MAST4: variants seen among roughly 807,000 people sequenced by gnomAD.
MAST4 encodes the protein microtubule-associated serine/threonine-protein kinase 4.
A neutral mutation model predicts 162.7 loss-of-function variants in MAST4; 89 were observed. That is an observed-to-expected ratio of 0.55 (90% confidence interval 0.46 to 0.65). The LOEUF is 0.65. MAST4 is among the 30% of genes least tolerant of loss of function. MAST4 has a pLI of 0.00. For missense variants in MAST4, 3,153 were observed against 3,374.0 expected (o/e 0.93, Z 1.62); for synonymous variants, 1,479 against 1,361.1 (o/e 1.09, Z -1.91).
chr5:66,852,962 A>G (rs1320429442), intron 3 of MAST4, among the ~76,000 whole-genome samples: 17 of 152,252 alleles, frequency 1.1e-4, no homozygotes. Flanking sequence ...ACTCTTCTCA[A>G]CAGTGTCATA....
chr5:66,923,335 G>A (rs191746559), intron 4 of MAST4, among the ~76,000 whole-genome samples: 320 of 152,258 alleles, frequency 2.1e-3, no homozygotes, highest in African/African-American at 6.5e-3. Context: ...AAGCATTGTC[G>A]TCTTGGGATA....
chr5:66,863,581 T>A (rs1223839079), intron 3 of MAST4, among the ~76,000 whole-genome samples: 1 of 152,144 alleles, frequency 6.6e-6, no homozygotes, highest in Admixed American at 6.5e-5. Flanking sequence ...TCATGCTTTC[T>A]TTTCTTCCCT....
At chr5:66,926,605 T>C (rs1374580366) in intron 4 of MAST4, among the ~76,000 whole-genome samples, 1 of 151,872 alleles carries the variant, frequency 6.6e-6, no homozygotes, top group East Asian at 1.9e-4. Context: ...TGTATATATG[T>C]ATGTATATGT....
intron 5 of MAST4, among the ~76,000 whole-genome samples, chr5:67,082,926 C>T (rs1332172350): frequency 6.6e-6 from 1 of 152,016 alleles, no homozygotes; most frequent in Non-Finnish European, 1.5e-5. Context: ...AAAAAGTCAC[C>T]AAAAAGGGAG....
intron 10 of MAST4, among the ~76,000 whole-genome samples, chr5:67,104,942 A>G (rs1264605456): frequency 2.0e-5 from 3 of 152,186 alleles, no homozygotes; most frequent in Non-Finnish European, 1.5e-5. Flanking sequence ...CTATATCTGA[A>G]AAAGCTAAAT....
intron 3 of MAST4, among the ~76,000 whole-genome samples, chr5:66,895,011 C>T (rs189738307): frequency 1.1e-3 from 165 of 152,242 alleles, no homozygotes; most frequent in African/African-American, 3.8e-3. Context: ...GGCTGAGCTC[C>T]CACTCAGTGT....
intron 4 of MAST4, among the ~76,000 whole-genome samples, chr5:66,936,800 G>T (rs544701954): frequency 6.6e-6 from 1 of 152,262 alleles, no homozygotes; most frequent in South Asian, 2.1e-4. Context: ...TACCCTTTAT[G>T]TGGGTATGTT....
intron 1 of MAST4, among the ~76,000 whole-genome samples, chr5:66,606,003 T>A (rs1742857733): frequency 6.6e-6 from 1 of 152,242 alleles, no homozygotes; most frequent in Non-Finnish European, 1.5e-5. Context: ...AATGACAATT[T>A]TGTAACCTGC....
In MAST4 at chr5:67,165,477, G is replaced by C. The variant is rs909820290; in HGVS notation, c.6298G>C (p.Glu2100Gln). Residue 2100 changes from glutamate (E) to glutamine (Q), a missense_variant, in exon 29 of 29, where the codon GAG becomes CAG. Physicochemically the swap from Glu to Gln is conservative, Grantham distance 29. Coordinates refer to ENST00000403625, the MANE Select transcript of MAST4 (RefSeq NM_001164664.2). ...RSLQPPGIES[E>Q]KSEKLSSFPS... Reference sequence around the variant, plus strand: ...TCTGCAGCCACCTGGAATTGAGAGTGAGAAGAGTGAAAAGCTCTCCAGTTT... The same window carrying C: ...TCTGCAGCCACCTGGAATTGAGAGTCAGAAGAGTGAAAAGCTCTCCAGTTT... 2.5e-6 allele frequency: 4 copies of C among 1,613,846 alleles called. No individual in the cohort carries two copies. The African/African-American group carries it at 4.0e-5, about 16-fold the overall frequency.
rs530451613 is a variant in MAST4 at position 66,983,536 on chromosome 5, C to CT, written c.675-70867dup. The stretch of plus-strand genomic sequence containing the variant: ...ACTTGGGGCTATTTGTGTAGTATCT[C>CT]TAAGTGCCAGTTTCCTCATCTGTAT... On this transcript the variant is annotated intron_variant, in intron 4 of 28. Coordinates refer to ENST00000403625, the MANE Select transcript of MAST4 (RefSeq NM_001164664.2). Among the ~76,000 whole-genome samples the CT allele has an allele frequency of 1.4e-4, 21 of 152,186 alleles. No homozygotes were observed. In the South Asian group the frequency reaches 4.4e-3, roughly 32 times the overall value.
chr5:66,656,717 C>T (rs550624863), intron 1 of MAST4, among the ~76,000 whole-genome samples: 2 of 152,334 alleles, frequency 1.3e-5, no homozygotes, highest in South Asian at 2.1e-4. Flanking sequence ...ATTGCAAGCG[C>T]ACCTGCTTTC....
At chr5:67,028,548 G>A (rs565198759) in intron 4 of MAST4, among the ~76,000 whole-genome samples, 1 of 152,282 alleles carries the variant, frequency 6.6e-6, no homozygotes, top group East Asian at 1.9e-4. Flanking sequence ...GTGACCGTGA[G>A]AATGAAGGGA....
At position 67,164,448 on chromosome 5, in the gene MAST4, C is replaced by G. The variant is rs904046922; in HGVS notation, c.5269C>G (p.Pro1757Ala). The change falls in exon 29 of 29, where the codon CCC becomes GCC. Residue 1757 changes from proline (P) to alanine (A), a missense_variant. By Grantham distance (27) the Pro-to-Ala change is conservative (BLOSUM62 -1). Transcript: ENST00000403625. The surrounding 1 kb of genome is among the most constrained non-coding windows in gnomAD (Gnocchi z 5.3). The part of the protein sequence containing the change: ...AAQMSAVSFV[P>A]LKALTGRVDS... ...TCAGATGAGTGCCGTCTCTTTTGTT[C>G]CCCTCAAGGCCTTAACAGGCCGGGT... The G allele has an allele frequency of 1.2e-6, 2 of 1,614,016 alleles. No homozygotes were observed. Among genetic ancestry groups the G allele is most frequent in the Non-Finnish European group, 1.7e-6 (2 of 1,179,898 alleles).
intron 11 of MAST4, among the ~76,000 whole-genome samples, chr5:67,113,313 CAAAAAAA>C (rs34018550): frequency 1.0e-4 from 7 of 67,384 alleles, no homozygotes; most frequent in East Asian, 5.2e-4. Context: ...GACTCCGTCT[CAAAAAAA>C]AAAAAAAAAA....
At chr5:67,096,112 A>C (rs1033615721) in intron 7 of MAST4, among the ~76,000 whole-genome samples, 1 of 152,174 alleles carries the variant, frequency 6.6e-6, no homozygotes, top group African/African-American at 2.4e-5. Flanking sequence ...CAAAGAAAAA[A>C]AAAAGGCAAG....
At position 66,633,113 on chromosome 5, in the gene MAST4, C is replaced by T. The variant is rs188990624; in HGVS notation, c.363+36095C>T. Among the ~76,000 whole-genome samples the T allele has an allele frequency of 8.7e-4, 133 of 152,322 alleles. 1 individual carries two copies. Among genetic ancestry groups the T allele is most frequent in the Middle Eastern group, 3.4e-3 (1 of 294 alleles). On this transcript the variant is annotated intron_variant, in intron 1 of 28. Transcript: ENST00000403625. The stretch of plus-strand genomic sequence containing the variant: ...TGGCTTACATATTCACATCACCAGT[C>T]ATGTACTCCTTGAGGCTCAAATACC...
chr5:66,745,430 C>T (rs1752694880), intron 1 of MAST4, among the ~76,000 whole-genome samples: 1 of 152,066 alleles, frequency 6.6e-6, no homozygotes, highest in African/African-American at 2.4e-5. Flanking sequence ...TTGAAAAGCC[C>T]CCAATCAGAA....
At chr5:66,991,934 G>A (rs1262560742) in intron 4 of MAST4, among the ~76,000 whole-genome samples, 2 of 152,192 alleles carry the variant, frequency 1.3e-5, no homozygotes, top group African/African-American at 4.8e-5. Context: ...GAAGGTAGCT[G>A]CAGTTCCTTC....
At chr5:66,986,577 A>C in intron 4 of MAST4, 1 of 527,920 alleles carries the variant, frequency 1.9e-6, no homozygotes. Flanking sequence ...ACATATATAT[A>C]TTAAAAATAT....
Sources: gnomAD v4.1 joint callset for allele counts (sites outside exome capture counted in the v4.1 genomes callset) on GRCh38, gnomAD v4.1.1 for gene constraint, Gnocchi (gnomAD v3.1) non-coding constraint, MANE v1.5 for transcripts, NCBI Gene and HGNC (gene_info 2026-07-23, HGNC 2026-07-21) for gene names.